CSMD2: variants seen among roughly 807,000 people sequenced by gnomAD.
CSMD2 encodes the protein CUB and Sushi multiple domains 2.
A neutral mutation model predicts 398.5 loss-of-function variants in CSMD2; 130 were observed. That is an observed-to-expected ratio of 0.33 (90% CI 0.28 to 0.38). The LOEUF (loss-of-function observed/expected upper bound fraction) is 0.38, where lower values mean the gene tolerates loss of function less well. CSMD2 is among the 10% of genes least tolerant of loss of function. CSMD2 has a pLI of 1.00. For missense variants in CSMD2, 3,829 were observed against 4,764.9 expected (o/e 0.80, Z 5.78); for synonymous variants, 1,828 against 1,908.5 (o/e 0.96, Z 1.10).
At chr1:33,942,849 C>A (rs893940648) in intron 3 of CSMD2, among the ~76,000 whole-genome samples, 1 of 152,190 alleles carries the variant, frequency 6.6e-6, no homozygotes, top group African/African-American at 2.4e-5. Flanking sequence ...GCAAATGTGG[C>A]CTCTCTCCTA....
intron 1 of CSMD2, among the ~76,000 whole-genome samples, chr1:34,111,968 T>C (rs539094116): frequency 6.6e-6 from 1 of 151,774 alleles, no homozygotes; most frequent in Admixed American, 6.6e-5. Context: ...CTTATTTCAA[T>C]AAATTCTTTC....
chr1:33,566,144 C>T (rs1336575814), intron 53 of CSMD2, among the ~76,000 whole-genome samples: 1 of 150,870 alleles, frequency 6.6e-6, no homozygotes, highest in African/African-American at 2.4e-5. Flanking sequence ...GTGTTTAAAA[C>T]CATAATCCAA....
intron 57 of CSMD2, among the ~76,000 whole-genome samples, chr1:33,544,831 T>TTATATATATA (rs56072818): frequency 0.017 from 2,444 of 141,858 alleles, 30 homozygotes; most frequent in Middle Eastern, 0.035. Flanking sequence ...CACTGTGCAT[T>TTATATATATA]TATATATATA....
At chr1:34,078,386 C>T (rs1656674513) in intron 2 of CSMD2, among the ~76,000 whole-genome samples, 1 of 152,104 alleles carries the variant, frequency 6.6e-6, no homozygotes, top group African/African-American at 2.4e-5. Context: ...ACCTGAAATT[C>T]CCAGTCTAAA....
chr1:34,134,760 A>G (rs1368003823), intron 1 of CSMD2, among the ~76,000 whole-genome samples: 1 of 152,244 alleles, frequency 6.6e-6, no homozygotes, highest in Non-Finnish European at 1.5e-5. Context: ...ATAGAAAACA[A>G]GCAAGGTGCA....
chr1:33,978,308 A>G (rs1646042244), intron 3 of CSMD2, among the ~76,000 whole-genome samples: 1 of 152,128 alleles, frequency 6.6e-6, no homozygotes, highest in South Asian at 2.1e-4. Flanking sequence ...ACAATATTCT[A>G]TTATTCAACA....
chr1:33,620,912 A>C (rs1194603044), intron 37 of CSMD2, among the ~76,000 whole-genome samples: 1 of 143,510 alleles, frequency 7.0e-6, no homozygotes, highest in Non-Finnish European at 1.5e-5. Context: ...GATGAAGTTC[A>C]TTTGTTTCAC....
chr1:33,655,875 C>T (rs1455004105), intron 27 of CSMD2, among the ~76,000 whole-genome samples: 1 of 152,224 alleles, frequency 6.6e-6, no homozygotes, highest in Non-Finnish European at 1.5e-5. Flanking sequence ...GAATTAACCT[C>T]TCCACCCTAC....
chr1:34,165,513 G>A (rs1246007839), upstream of CSMD2, among the ~76,000 whole-genome samples: 1 of 152,072 alleles, frequency 6.6e-6, no homozygotes, highest in African/African-American at 2.4e-5. Context: ...TTTTGCAATT[G>A]ACCAGTTTCT....
chr1:33,572,449 T>C, intron 50 of CSMD2, 57 bp downstream of exon 50: 2 of 1,427,252 alleles, frequency 1.4e-6, no homozygotes, highest in Non-Finnish European at 1.9e-6. Flanking sequence ...TGCAGGAATC[T>C]TTCCAGCTGC....
chr1:33,879,638 G>A (rs533455211), intron 5 of CSMD2, among the ~76,000 whole-genome samples: 9 of 152,272 alleles, frequency 5.9e-5, no homozygotes, highest in East Asian at 1.9e-4. Context: ...AAGCATTGGT[G>A]TCTCTCCCCC....
intron 6 of CSMD2, among the ~76,000 whole-genome samples, chr1:33,827,359 C>A (rs756877369): frequency 1.3e-5 from 2 of 152,218 alleles, no homozygotes; most frequent in Non-Finnish European, 2.9e-5. Context: ...GCCTCATGGG[C>A]CTCTCTGATG....
At position 34,032,648 on chromosome 1, in the gene CSMD2, G is replaced by A. The variant is rs768773058; in HGVS notation, c.463C>T (p.Arg155Cys). 76 of 1,602,420 alleles carry A rather than the reference G, an allele frequency of 4.7e-5. No homozygotes were observed. Among genetic ancestry groups the A allele is most frequent in the African/African-American group, 6.7e-5 (5 of 74,784 alleles). Residue 155 changes from arginine (R) to cysteine (C), a missense_variant, in exon 3 of 71, where the codon CGC (arginine) becomes TGC (cysteine). Around this residue, in one of 5 missense-constraint regions of CSMD2, gnomAD observed 184 missense variants for 217.7 expected, o/e 0.85. Transcript: ENST00000373381. ...IVSAATTLSL[R>C]LISDYAVSAQ... The stretch of plus-strand genomic sequence containing the variant: ...CTGACTGCATAGTCGCTGATGAGGC[G>A]CAGAGAGAGGGTGGTGGCTGCACTA...
At chr1:33,586,825 A>C (rs1298010784) in intron 45 of CSMD2, among the ~76,000 whole-genome samples, 1 of 152,168 alleles carries the variant, frequency 6.6e-6, no homozygotes, top group African/African-American at 2.4e-5. Context: ...ATTCCAGGAC[A>C]TTTTATACTG....
chr1:33,942,663 A>G (rs1214505763), intron 3 of CSMD2, among the ~76,000 whole-genome samples: 1 of 152,234 alleles, frequency 6.6e-6, no homozygotes, highest in African/African-American at 2.4e-5. Flanking sequence ...CTGAATCATA[A>G]CGTGAGAAAC....
intron 10 of CSMD2, among the ~76,000 whole-genome samples, chr1:33,809,050 A>C (rs1656558033): frequency 6.6e-6 from 1 of 151,974 alleles, no homozygotes; most frequent in Admixed American, 6.5e-5. Context: ...AAAATCTTCA[A>C]ACAAAGGAGA....
Position 34,001,551 on chromosome 1 carries a change from A to G in CSMD2, c.517+31043T>C, listed in dbSNP as rs570780535. ...TTGAAGTTGTCATTTACATATTTAG[A>G]CAACAGGTGGACATTCACGAGCATG... On this transcript the variant is annotated intron_variant, in intron 3 of 70. Coordinates refer to ENST00000373381, the MANE Select transcript of CSMD2 (RefSeq NM_001281956.2). 6.6e-5 allele frequency among the ~76,000 whole-genome samples: 10 copies of G among 152,344 alleles called. No homozygotes were observed. The East Asian group carries it at 1.7e-3, about 26-fold the overall frequency.
At chr1:33,961,348 T>C (rs1397173156) in intron 3 of CSMD2, among the ~76,000 whole-genome samples, 4 of 152,248 alleles carry the variant, frequency 2.6e-5, no homozygotes, top group African/African-American at 4.8e-5. Flanking sequence ...ATTAGGCCTG[T>C]GTAAGACTGA....
At chr1:33,912,973 C>T (rs1335761917) in intron 5 of CSMD2, among the ~76,000 whole-genome samples, 3 of 152,036 alleles carry the variant, frequency 2.0e-5, no homozygotes, top group Non-Finnish European at 2.9e-5. Flanking sequence ...CCACCACATC[C>T]GTCTAATTTT....
Sources: allele counts gnomAD v4.1 joint callset (sites outside exome capture counted in the v4.1 genomes callset), GRCh38; gene constraint gnomAD v4.1.1; regional missense constraint gnomAD v4.1.1; transcripts MANE v1.5; gene names NCBI Gene and HGNC (gene_info 2026-07-23, HGNC 2026-07-21).